The following GPC5 variants were observed in gnomAD, a reference collection of about 807,000 sequenced individuals.
GPC5 encodes the protein glypican 5.
A neutral mutation model predicts 53.9 loss-of-function variants in GPC5; 47 were observed. The observed-to-expected ratio is 0.87, with a 90% CI of 0.69 to 1.11. GPC5 has a LOEUF of 1.11. GPC5 is among the 50% of genes most tolerant of loss of function. The probability of loss-of-function intolerance (pLI) is 0.00; values close to 1 mark genes in which losing one functional copy is unlikely to be tolerated. For missense variants in GPC5, 748 were observed against 713.1 expected (o/e 1.05, Z -0.56); for synonymous variants, 286 against 263.3 (o/e 1.09, Z -0.84).
chr13:92,647,564 A>G (rs1566340853), intron 7 of GPC5, among the ~76,000 whole-genome samples: 1 of 152,144 alleles, frequency 6.6e-6, no homozygotes, highest in Non-Finnish European at 1.5e-5. Context: ...CTGGACACCA[A>G]GAAAATCTCA....
intron 6 of GPC5, among the ~76,000 whole-genome samples, chr13:92,031,844 C>T (rs1427711246): frequency 2.8e-3 from 145 of 52,330 alleles, no homozygotes; most frequent in African/African-American, 6.8e-3. Context: ...TAATATATTA[C>T]ATATTATATA....
chr13:91,930,144 G>A (rs1207683783), intron 6 of GPC5, among the ~76,000 whole-genome samples: 4 of 151,950 alleles, frequency 2.6e-5, no homozygotes, highest in Non-Finnish European at 5.9e-5. Context: ...GGTCATGCAC[G>A]AGGCCTTTCT....
chr13:92,363,005 G>T (rs556886040), intron 7 of GPC5, among the ~76,000 whole-genome samples: 1 of 151,698 alleles, frequency 6.6e-6, no homozygotes, highest in Non-Finnish European at 1.5e-5. Flanking sequence ...GAAGAGATTA[G>T]AGTTTACAGA....
chr13:91,766,920 T>A (rs2037537151), intron 5 of GPC5, among the ~76,000 whole-genome samples: 2 of 152,172 alleles, frequency 1.3e-5, no homozygotes, highest in Admixed American at 6.5e-5. Flanking sequence ...AAATGAGTTA[T>A]TCACATGAAC....
chr13:92,523,552 C>A (rs1594274203), intron 7 of GPC5, among the ~76,000 whole-genome samples: 2 of 151,958 alleles, frequency 1.3e-5, no homozygotes, highest in East Asian at 3.9e-4. Flanking sequence ...TATGTGGAAG[C>A]AAACTTTTAA....
At chr13:92,829,675 A>G (rs754660409) in intron 7 of GPC5, among the ~76,000 whole-genome samples, 2 of 152,148 alleles carry the variant, frequency 1.3e-5, no homozygotes, top group Non-Finnish European at 2.9e-5. Flanking sequence ...GCAAATATAA[A>G]TGGCATTCAA....
intron 7 of GPC5, among the ~76,000 whole-genome samples, chr13:92,532,429 A>C (rs1254198891): frequency 6.6e-6 from 1 of 152,226 alleles, no homozygotes; most frequent in African/African-American, 2.4e-5. Flanking sequence ...GATTTCAATG[A>C]AAGACAAAAG....
At chr13:91,473,524 A>G (rs1309281822) in intron 2 of GPC5, among the ~76,000 whole-genome samples, 1 of 152,114 alleles carries the variant, frequency 6.6e-6, no homozygotes, top group Admixed American at 6.6e-5. Flanking sequence ...TAATTTCCAT[A>G]TATCTGACTG....
chr13:92,843,773 A>C (rs115513352), intron 7 of GPC5, among the ~76,000 whole-genome samples: 5 of 152,178 alleles, frequency 3.3e-5, no homozygotes, highest in African/African-American at 1.2e-4. Context: ...TAAATCTGTC[A>C]TCGATGTTGC....
At chr13:91,842,258 AGAGT>A (rs1267743637) in intron 5 of GPC5, among the ~76,000 whole-genome samples, 5 of 151,950 alleles carry the variant, frequency 3.3e-5, no homozygotes, top group Admixed American at 6.6e-5. Flanking sequence ...GGAGAGGTAA[AGAGT>A]GAAAGAATGA....
At chr13:91,626,294 T>C (rs1013788366) in intron 2 of GPC5, among the ~76,000 whole-genome samples, 22 of 152,158 alleles carry the variant, frequency 1.4e-4, no homozygotes, top group African/African-American at 5.3e-4. Context: ...ATTTCTAAAA[T>C]AGAGGCACTA....
intron 7 of GPC5, among the ~76,000 whole-genome samples, chr13:92,750,775 G>T (rs1406802167): frequency 6.6e-6 from 1 of 152,108 alleles, no homozygotes; most frequent in African/African-American, 2.4e-5. Context: ...CAATGCAAAG[G>T]CTGCGTGGAG....
intron 2 of GPC5, among the ~76,000 whole-genome samples, chr13:91,453,366 A>G (rs1881318551): frequency 6.6e-6 from 1 of 152,000 alleles, no homozygotes; most frequent in African/African-American, 2.4e-5. Context: ...CTGTAAAACT[A>G]AAGTATATAT....
intron 6 of GPC5, among the ~76,000 whole-genome samples, chr13:92,052,492 G>A (rs559704657): frequency 2.6e-4 from 39 of 152,202 alleles, no homozygotes; most frequent in African/African-American, 6.3e-4. Flanking sequence ...ATTTGTCCCC[G>A]CCCATGTCCT....
chr13:92,535,981 A>G lies in GPC5; in HGVS notation c.1562-330301A>G, dbSNP rs143252851. 8.3e-3 allele frequency among the ~76,000 whole-genome samples: 1,261 copies of G among 152,270 alleles called. 21 individuals carry two copies. Among genetic ancestry groups the G allele is most frequent in the African/African-American group, 0.029 (1,185 of 41,566 alleles). ...AACTGTTTGCAAAAATTAGACAAGC[A>G]GCAGATATATTTAATAGTGAATTTT... On this transcript the variant is annotated intron_variant, in intron 7 of 7. Coordinates refer to ENST00000377067, the MANE Select transcript of GPC5 (RefSeq NM_004466.6).
At chr13:92,748,054 C>T (rs1010649517) in intron 7 of GPC5, among the ~76,000 whole-genome samples, 1 of 151,200 alleles carries the variant, frequency 6.6e-6, no homozygotes, top group African/African-American at 2.4e-5. Flanking sequence ...TATGAATATG[C>T]AAAAAAGGGT....
chr13:91,579,517 T>A (rs572133518), intron 2 of GPC5, among the ~76,000 whole-genome samples: 79 of 152,280 alleles, frequency 5.2e-4, no homozygotes, highest in African/African-American at 1.8e-3. Context: ...CCACATTGAA[T>A]ACGAACCTGC....
intron 6 of GPC5, among the ~76,000 whole-genome samples, chr13:92,028,622 A>T (rs1334589464): frequency 6.6e-6 from 1 of 152,124 alleles, no homozygotes; most frequent in African/African-American, 2.4e-5. Context: ...CGTTTACTTC[A>T]TATTTTATGT....
intron 7 of GPC5, among the ~76,000 whole-genome samples, chr13:92,750,093 T>G (rs1005730287): frequency 1.3e-5 from 2 of 152,198 alleles, no homozygotes; most frequent in African/African-American, 4.8e-5. Flanking sequence ...AATGGAGCAT[T>G]TGAATAAGTG....
Sources: allele counts gnomAD v4.1 joint callset (sites outside exome capture counted in the v4.1 genomes callset), GRCh38; gene constraint gnomAD v4.1.1; transcripts MANE v1.5; gene names NCBI Gene and HGNC (gene_info 2026-07-23, HGNC 2026-07-21).